The following TRAPPC8 variants were observed in gnomAD, a reference collection of about 807,000 sequenced individuals.
The protein encoded by TRAPPC8 is general sporulation gene 1 homolog.
TRAPPC8 carries 54 observed loss-of-function variants against 174.3 expected under a neutral mutation model. That is an observed-to-expected ratio of 0.31 (90% confidence interval 0.25 to 0.39). TRAPPC8 has a LOEUF of 0.39. Among genes scored for constraint, TRAPPC8 ranks in the 10% least tolerant of loss-of-function variants. The pLI, the probability that TRAPPC8 is intolerant of heterozygous loss-of-function variation, is 1.00. For synonymous variants in TRAPPC8, 630 were observed against 579.9 expected (o/e 1.09, Z -1.24); for missense variants, 1,531 against 1,699.1 (o/e 0.90, Z 1.74).
chr18:31,840,944 A>G (rs1379132295), intron 26 of TRAPPC8, among the ~76,000 whole-genome samples: 2 of 152,092 alleles, frequency 1.3e-5, no homozygotes, highest in African/African-American at 2.4e-5. Flanking sequence ...TAAAAAACAC[A>G]AACAAAAAAA....
chr18:31,904,303 A>T (rs887824305), intron 9 of TRAPPC8, among the ~76,000 whole-genome samples: 22 of 152,086 alleles, frequency 1.4e-4, no homozygotes, highest in Non-Finnish European at 2.9e-5. Flanking sequence ...TAATCCCAAC[A>T]TTTTGAGAGA....
intron 2 of TRAPPC8, among the ~76,000 whole-genome samples, chr18:31,929,191 GA>G (rs34749170): frequency 7.7e-4 from 99 of 129,190 alleles, no homozygotes; most frequent in East Asian, 1.7e-3. Context: ...CAAAAAAAGT[GA>G]AAAAAAAAAA....
chr18:31,873,007 C>CTTTTTTT (rs59209328), intron 14 of TRAPPC8, among the ~76,000 whole-genome samples: 21 of 74,630 alleles, frequency 2.8e-4, no homozygotes, highest in African/African-American at 1.0e-3. Flanking sequence ...ATTCATTTTC[C>CTTTTTTT]TTTTTTTTTT....
intron 19 of TRAPPC8, among the ~76,000 whole-genome samples, chr18:31,861,942 G>A (rs373133606): frequency 7.3e-6 from 1 of 137,414 alleles, no homozygotes; most frequent in Non-Finnish European, 1.6e-5. Context: ...AAAAAGGGGG[G>A]GGGGGGCGGT....
intron 11 of TRAPPC8, among the ~76,000 whole-genome samples, chr18:31,895,518 CAA>C (rs1176492369): frequency 3.3e-5 from 5 of 151,770 alleles, no homozygotes; most frequent in Non-Finnish European, 4.4e-5. Context: ...AAAGTGGAAA[CAA>C]AGAGTTGGAA....
In TRAPPC8 at chr18:31,916,252, A is replaced by C; in HGVS notation, c.617+20T>G. 6.9e-7 allele frequency: 1 copy of C among 1,447,838 alleles called. No individual in the cohort carries two copies. The highest frequency in any genetic ancestry group is 9.1e-7 in the Non-Finnish European group (1 of 1,096,090). 89.7% of individuals were successfully genotyped at this position (1,447,838 alleles called of 1,614,324 possible). On this transcript the variant is annotated intron_variant, in intron 4 of 28. Transcript: ENST00000283351. ...AAATCATTTAACTGGAAAAAATTTA[A>C]AACTAAAATAAAAACTTACCTCTGT...
At chr18:31,912,516 T>C (rs909002868) in intron 5 of TRAPPC8, among the ~76,000 whole-genome samples, 4 of 150,800 alleles carry the variant, frequency 2.7e-5, no homozygotes, top group African/African-American at 9.7e-5. Flanking sequence ...TAGCCGGGCA[T>C]GGTGGTAGGT....
At chr18:31,937,514 C>A (rs1568160669) in intron 1 of TRAPPC8, 1 of 151,432 alleles carries the variant, frequency 6.6e-6, no homozygotes, top group Non-Finnish European at 1.5e-5. Context: ...CAGAGTGAGG[C>A]TCTGTCTCAA....
At chr18:31,916,180 T>A (rs1357927599) in intron 4 of TRAPPC8, 92 bp downstream of exon 4, 6 of 960,114 alleles carry the variant, frequency 6.2e-6, no homozygotes, top group Non-Finnish European at 8.5e-6. Context: ...CATTCTTGTA[T>A]CAAAAATAAA....
chr18:31,899,694 C>G (rs969143534), intron 10 of TRAPPC8, among the ~76,000 whole-genome samples: 4 of 152,094 alleles, frequency 2.6e-5, no homozygotes, highest in African/African-American at 9.7e-5. Context: ...CACCTGTAAT[C>G]CCAGGATTTT....
chr18:31,856,025 G>A (rs919693022), intron 20 of TRAPPC8, among the ~76,000 whole-genome samples: 1 of 152,102 alleles, frequency 6.6e-6, no homozygotes, highest in African/African-American at 2.4e-5. Flanking sequence ...CCCTGTCTAA[G>A]TTTTTGCCCT....
intron 14 of TRAPPC8, among the ~76,000 whole-genome samples, chr18:31,871,760 T>C (rs575875018): frequency 6.6e-6 from 1 of 152,216 alleles, no homozygotes; most frequent in Non-Finnish European, 1.5e-5. Flanking sequence ...GAATCCATTA[T>C]GTGAATATAC....
At position 31,900,813 on chromosome 18, in the gene TRAPPC8, TTGTCTCCG is replaced by T. The variant is rs2036388032; in HGVS notation, c.1490+104_1490+111del. The T allele has an allele frequency of 2.6e-5, 20 of 774,910 alleles. No homozygotes were observed. The South Asian group carries it at 3.9e-4, about 15-fold the overall frequency. 48.0% of individuals were successfully genotyped at this position (774,910 alleles called of 1,614,324 possible). On this transcript the variant is annotated intron_variant, in intron 10 of 28. Transcript: ENST00000283351. ...CTAACTTTTTAAAAATCACCTCAAC[TTGTCTCCG>T]ACTATATTAACTTGATTTGGGAGTT... is the stretch of plus-strand genomic sequence containing the variant.
chr18:31,846,456 T>C (rs556930819), intron 26 of TRAPPC8, among the ~76,000 whole-genome samples: 1 of 152,020 alleles, frequency 6.6e-6, no homozygotes, highest in Non-Finnish European at 1.5e-5. Flanking sequence ...ACACCTGTAG[T>C]CTCAGCTACT....
At chr18:31,874,340 A>G in intron 13 of TRAPPC8, 140 bp downstream of exon 13, 1 of 841,318 alleles carries the variant, frequency 1.2e-6, no homozygotes, top group Non-Finnish European at 1.8e-6. Flanking sequence ...ATAGCCAAAA[A>G]GCCTAGCCTG....
chr18:31,919,299 A>G (rs1349330342), intron 2 of TRAPPC8, among the ~76,000 whole-genome samples: 1 of 152,004 alleles, frequency 6.6e-6, no homozygotes, highest in African/African-American at 2.4e-5. Context: ...TTGGGAGGTC[A>G]AGGCAGGCGG....
At chr18:31,860,861 A>G (rs1270393716) in intron 19 of TRAPPC8, among the ~76,000 whole-genome samples, 2 of 152,168 alleles carry the variant, frequency 1.3e-5, no homozygotes, top group Non-Finnish European at 2.9e-5. Context: ...GTCACTATCT[A>G]TTCCCAAACT....
In TRAPPC8 at chr18:31,829,623, T is replaced by C. The variant is rs1025061234; in HGVS notation, c.*1132A>G. 1 of 152,212 alleles carries C rather than the reference T, an allele frequency of 6.6e-6. No individual in the cohort carries two copies. Among genetic ancestry groups the C allele is most frequent in the African/African-American group, 2.4e-5 (1 of 41,434 alleles). 9.4% of individuals were successfully genotyped at this position (152,212 alleles called of 1,614,324 possible). On this transcript the variant is annotated 3_prime_UTR_variant, in exon 29 of 29. Coordinates refer to ENST00000283351, the MANE Select transcript of TRAPPC8 (RefSeq NM_014939.5). ...AGTCTGAAAACGGGGTCTTTTGATC[T>C]CTCCCCACTTTGGTGCAGTCTGCTC... is the stretch of plus-strand genomic sequence containing the variant.
chr18:31,859,512 C>T (rs1325526328), intron 19 of TRAPPC8, among the ~76,000 whole-genome samples: 1 of 151,914 alleles, frequency 6.6e-6, no homozygotes, highest in African/African-American at 2.4e-5. Flanking sequence ...TTTGTTATTA[C>T]ATCCAACACA....
Sources: allele counts gnomAD v4.1 joint callset (sites outside exome capture counted in the v4.1 genomes callset), GRCh38; gene constraint gnomAD v4.1.1; transcripts MANE v1.5; gene names NCBI Gene and HGNC (gene_info 2026-07-23, HGNC 2026-07-21).